The following TTC28 variants were observed in gnomAD, a reference collection of about 807,000 sequenced individuals.
TTC28 encodes tetratricopeptide repeat domain 28, also known as tetratricopeptide repeat protein 28.
Under a neutral mutation model 198.0 loss-of-function variants are expected in TTC28, and 61 were observed. That is an observed-to-expected ratio of 0.31 (90% CI 0.25 to 0.38). The LOEUF is 0.38. Among genes scored for constraint, TTC28 ranks in the 10% least tolerant of loss-of-function variants. The probability of loss-of-function intolerance (pLI) is 1.00; values close to 1 mark genes in which losing one functional copy is unlikely to be tolerated. For missense variants in TTC28, 2,678 were observed against 3,164.0 expected, an observed-to-expected ratio of 0.85 and a Z score of 3.69; for synonymous variants, 1,171 against 1,297.8, an observed-to-expected ratio of 0.90 and a Z score of 2.10.
chr22:28,471,572 A>G (rs2048096725), intron 2 of TTC28, among the ~76,000 whole-genome samples: 1 of 152,180 alleles, frequency 6.6e-6, no homozygotes, highest in African/African-American at 2.4e-5. Flanking sequence ...AACAGGGAGC[A>G]TGAAAGGGCA....
intron 12 of TTC28, among the ~76,000 whole-genome samples, chr22:28,051,573 A>G (rs1190609464): frequency 6.6e-6 from 1 of 152,096 alleles, no homozygotes; most frequent in African/African-American, 2.4e-5. Flanking sequence ...GAGATAGAGC[A>G]CTGTACAGAA....
chr22:28,669,299 T>C (rs1307021543), intron 1 of TTC28, among the ~76,000 whole-genome samples: 4 of 127,150 alleles, frequency 3.1e-5, no homozygotes, highest in African/African-American at 9.2e-5. Flanking sequence ...ACTTAGAGTA[T>C]AATAAAAAAA....
chr22:28,426,764 T>A (rs1177293525), intron 2 of TTC28, among the ~76,000 whole-genome samples: 2 of 152,154 alleles, frequency 1.3e-5, no homozygotes, highest in East Asian at 1.9e-4. Flanking sequence ...AGAAATGGCC[T>A]TTTGTTTCCC....
chr22:28,467,445 T>C (rs1182011123), intron 2 of TTC28, among the ~76,000 whole-genome samples: 4 of 152,188 alleles, frequency 2.6e-5, no homozygotes, highest in Non-Finnish European at 5.9e-5. Flanking sequence ...TATACTGATT[T>C]CTAATTATTA....
intron 3 of TTC28, among the ~76,000 whole-genome samples, chr22:28,305,867 ACCATTTT>A (rs1276716431): frequency 9.9e-5 from 15 of 152,180 alleles, no homozygotes; most frequent in Admixed American, 9.2e-4. Context: ...CCTCTACAGT[ACCATTTT>A]CAATCCATTC....
chr22:28,180,499 C>T (rs964821672), intron 5 of TTC28, among the ~76,000 whole-genome samples: 27 of 152,046 alleles, frequency 1.8e-4, no homozygotes, highest in South Asian at 8.3e-4. Flanking sequence ...ACTTCTTTGT[C>T]GGGGCCACCA....
intron 5 of TTC28, among the ~76,000 whole-genome samples, chr22:28,192,232 A>G (rs988065392): frequency 7.9e-5 from 12 of 152,182 alleles, no homozygotes; most frequent in Non-Finnish European, 1.3e-4. Context: ...GAGGGTCCTG[A>G]CTGTCAGAAG....
At chr22:28,190,449 T>C (rs1169732351) in intron 5 of TTC28, among the ~76,000 whole-genome samples, 3 of 152,194 alleles carry the variant, frequency 2.0e-5, no homozygotes, top group Non-Finnish European at 2.9e-5. Flanking sequence ...TCTGAAGTTA[T>C]TTGGATTCCT....
chr22:28,616,611 G>A (rs1341677633), intron 2 of TTC28, among the ~76,000 whole-genome samples: 1 of 152,114 alleles, frequency 6.6e-6, no homozygotes, highest in Non-Finnish European at 1.5e-5. Flanking sequence ...AAGCACTTTG[G>A]GAGGCCAAGG....
chr22:28,178,301 CAA>C (rs71194755), intron 5 of TTC28, among the ~76,000 whole-genome samples: 1 of 137,248 alleles, frequency 7.3e-6, no homozygotes, highest in Non-Finnish European at 1.5e-5. Flanking sequence ...CTAATAAATA[CAA>C]AAAAAAAAAA....
At chr22:28,459,013 A>T (rs963800215) in intron 2 of TTC28, among the ~76,000 whole-genome samples, 2 of 152,072 alleles carry the variant, frequency 1.3e-5, no homozygotes, top group African/African-American at 4.8e-5. Flanking sequence ...AATGTCTCCT[A>T]GCTGCAGGGG....
At chr22:28,404,444 C>T (rs1366312320) in intron 2 of TTC28, among the ~76,000 whole-genome samples, 3 of 152,154 alleles carry the variant, frequency 2.0e-5, no homozygotes, top group Admixed American at 6.5e-5. Context: ...AAGATATACA[C>T]ACAAAAAGCA....
intron 2 of TTC28, among the ~76,000 whole-genome samples, chr22:28,596,675 T>C (rs1337984433): frequency 1.3e-5 from 2 of 152,220 alleles, no homozygotes; most frequent in Admixed American, 6.5e-5. Context: ...ACAGTCATTA[T>C]TGGAAGAAAT....
intron 5 of TTC28, among the ~76,000 whole-genome samples, chr22:28,171,643 C>T (rs1432296965): frequency 6.7e-6 from 1 of 148,176 alleles, no homozygotes; most frequent in East Asian, 1.9e-4. Flanking sequence ...AAAAAAAGCC[C>T]CATATTGTTT....
chr22:28,424,095 C>CT (rs139507930), intron 2 of TTC28, among the ~76,000 whole-genome samples: 10,635 of 152,134 alleles, frequency 0.07, 544 homozygotes, highest in Non-Finnish European at 0.097. Context: ...AAATTAGGCT[C>CT]TTTGTTTTCT....
At chr22:28,464,714 C>CT (rs1178166482) in intron 2 of TTC28, among the ~76,000 whole-genome samples, 5 of 152,146 alleles carry the variant, frequency 3.3e-5, no homozygotes, top group Non-Finnish European at 7.4e-5. Context: ...TTTATCTCTA[C>CT]TTTTTCTACT....
intron 2 of TTC28, among the ~76,000 whole-genome samples, chr22:28,465,418 G>A (rs957728528): frequency 6.6e-6 from 1 of 152,148 alleles, no homozygotes; most frequent in Non-Finnish European, 1.5e-5. Context: ...AAGGTTAGGA[G>A]TTCGAAACCA....
At chr22:28,256,789 A>G (rs963499163) in intron 5 of TTC28, among the ~76,000 whole-genome samples, 1 of 152,268 alleles carries the variant, frequency 6.6e-6, no homozygotes, top group Non-Finnish European at 1.5e-5. Context: ...CCGTAATCTC[A>G]GCATTTTGGG....
chr22:28,385,323 C>G (rs1262330999), intron 2 of TTC28, among the ~76,000 whole-genome samples: 5 of 150,330 alleles, frequency 3.3e-5, no homozygotes, highest in Admixed American at 3.3e-4. Context: ...ACCTCCACCT[C>G]CTGGGTTCAA....
Sources: allele counts gnomAD v4.1 joint callset (sites outside exome capture counted in the v4.1 genomes callset), GRCh38; gene constraint gnomAD v4.1.1; transcripts MANE v1.5; gene names NCBI Gene and HGNC (gene_info 2026-07-23, HGNC 2026-07-21).